TEAD1: variants seen among roughly 807,000 people sequenced by gnomAD.
TEAD1 encodes TEA domain transcription factor 1.
TEAD1 carries 9 observed loss-of-function variants against 54.9 expected under a neutral mutation model. The ratio of observed to expected loss-of-function variants is 0.16; its 90% CI spans 0.10 to 0.29. TEAD1 has a LOEUF of 0.29. TEAD1 is among the 10% of genes least tolerant of loss of function. TEAD1 has a pLI of 1.00. For missense variants in TEAD1, 387 were observed against 535.9 expected (o/e 0.72, Z 2.74); for synonymous variants, 200 against 187.8 (o/e 1.07, Z -0.53).
chr11:12,769,640 A>T (rs1945276316), intron 3 of TEAD1, among the ~76,000 whole-genome samples: 1 of 152,032 alleles, frequency 6.6e-6, no homozygotes, highest in Non-Finnish European at 1.5e-5. Flanking sequence ...CCAGCCCTGG[A>T]GGGTCTCCAG....
intron 2 of TEAD1, among the ~76,000 whole-genome samples, chr11:12,721,628 C>G (rs1044492533): frequency 1.3e-5 from 2 of 152,176 alleles, no homozygotes; most frequent in Non-Finnish European, 2.9e-5. Flanking sequence ...ACATTATGTT[C>G]CCAGCATTAT....
Position 12,873,845 on chromosome 11 carries a change from C to T in TEAD1, c.331-5863C>T, listed in dbSNP as rs151281970. ...CATAGTGCAAGATTAGAAAGAACAT[C>T]TGCAAGATTACTTCTTAGGAAAGTA... On this transcript the variant is annotated intron_variant, in intron 5 of 12. Coordinates refer to ENST00000527636, the MANE Select transcript of TEAD1 (RefSeq NM_021961.6). Among the ~76,000 whole-genome samples the T allele has an allele frequency of 7.4e-3, 1,123 of 152,342 alleles. 8 individuals carry two copies. The highest frequency in any genetic ancestry group is 0.014 in the Middle Eastern group (4 of 294).
chr11:12,901,902 G>GTCCC lies in TEAD1; in HGVS notation c.700-38_700-37insTCCC, dbSNP rs779611263. ...ATGGATGAGTTCCAGGTTGATCAAA[G>GTCCC]AGTTTGTAATGGGAATGTTTCTGTT... On this transcript the variant is annotated intron_variant, in intron 9 of 12. Coordinates refer to ENST00000527636, the MANE Select transcript of TEAD1 (RefSeq NM_021961.6). The GTCCC allele has an allele frequency of 2.2e-5, 36 of 1,613,814 alleles. No homozygotes were observed. In the East Asian group the frequency reaches 7.6e-4, roughly 34 times the overall value.
chr11:12,824,546 G>T (rs1946612870), intron 3 of TEAD1, among the ~76,000 whole-genome samples: 1 of 152,212 alleles, frequency 6.6e-6, no homozygotes, highest in Admixed American at 6.5e-5. Flanking sequence ...TTCCATCCGG[G>T]AACCAAGTTT....
chr11:12,846,189 C>T (rs745601666), intron 3 of TEAD1, among the ~76,000 whole-genome samples: 47 of 152,196 alleles, frequency 3.1e-4, no homozygotes, highest in Non-Finnish European at 5.9e-4. Context: ...ACATGACCTG[C>T]TGCAGGAAGA....
chr11:12,821,704 C>T (rs1590184488), intron 3 of TEAD1, among the ~76,000 whole-genome samples: 1 of 152,036 alleles, frequency 6.6e-6, no homozygotes, highest in South Asian at 2.1e-4. Flanking sequence ...TGCCCAGATC[C>T]AATTTCATGT....
intron 3 of TEAD1, among the ~76,000 whole-genome samples, chr11:12,781,233 G>A (rs1945534964): frequency 1.3e-5 from 2 of 152,116 alleles, no homozygotes; most frequent in African/African-American, 2.4e-5. Flanking sequence ...AACTCCAGAA[G>A]GAAATACAGG....
intron 4 of TEAD1, chr11:12,864,615 C>CT: frequency 1.1e-6 from 1 of 911,152 alleles, no homozygotes; most frequent in East Asian, 3.4e-5. Flanking sequence ...ATTTGATTTC[C>CT]TTTTTTGTTT....
In TEAD1 at chr11:12,939,576, G is replaced by A. The variant is rs1003204909; in HGVS notation, c.*2354G>A. On this transcript the variant is annotated 3_prime_UTR_variant, in exon 13 of 13. Coordinates refer to ENST00000527636, the MANE Select transcript of TEAD1 (RefSeq NM_021961.6). ...AGGACAACTCTGTTGGCACAGAGAC[G>A]GGGACAGCCCAGTCTGCTGACCTCA... 6 of 152,222 alleles carry A rather than the reference G, an allele frequency of 3.9e-5. No individual in the cohort carries two copies. The highest frequency in any genetic ancestry group is 4.1e-4 in the South Asian group (2 of 4,834). The allele number at this position is 152,222 out of a possible 1,614,324, so 9.4% of individuals were successfully genotyped here. A position where few individuals can be genotyped will look rare whatever the true frequency, so the allele number is the denominator to read the frequency against.
At chr11:12,734,807 T>G (rs1944494392) in intron 2 of TEAD1, among the ~76,000 whole-genome samples, 1 of 152,232 alleles carries the variant, frequency 6.6e-6, no homozygotes, top group African/African-American at 2.4e-5. Flanking sequence ...AACTGTGCTC[T>G]GTGATGTTGA....
chr11:12,879,351 G>A (rs1330983159), intron 5 of TEAD1: 1 of 534,594 alleles, frequency 1.9e-6, no homozygotes, highest in Admixed American at 3.2e-5. Context: ...TAAAAGCAGG[G>A]CCTTTATTTT....
At chr11:12,882,902 A>G (rs1948000637) in intron 8 of TEAD1, 99 bp from the exon 9 acceptor site, 1 of 1,593,292 alleles carries the variant, frequency 6.3e-7, no homozygotes, top group Admixed American at 1.7e-5. Flanking sequence ...GGCTGTTGGC[A>G]TTTCCTTCTG....
At chr11:12,885,837 T>G (rs1007506264) in intron 9 of TEAD1, among the ~76,000 whole-genome samples, 2 of 152,238 alleles carry the variant, frequency 1.3e-5, no homozygotes, top group Non-Finnish European at 2.9e-5. Context: ...TTTTGAATCA[T>G]TCAGACCATT....
At position 12,938,588 on chromosome 11, in the gene TEAD1, G is replaced by GT. The variant is rs1418300574; in HGVS notation, c.*1367dup. 3 of 152,242 alleles carry GT rather than the reference G, an allele frequency of 2.0e-5. No homozygotes were observed. Among genetic ancestry groups the GT allele is most frequent in the African/African-American group, 7.2e-5 (3 of 41,454 alleles). 9.4% of individuals were successfully genotyped at this position (152,242 alleles called of 1,614,324 possible). On this transcript the variant is annotated 3_prime_UTR_variant, in exon 13 of 13. Transcript: ENST00000527636. ...ACATCCATTTCTTTAGCGTCTCTCAGTAAGTTACAGTACTTGTTTGACTTA... is the reference window on the plus strand; with the variant it reads ...ACATCCATTTCTTTAGCGTCTCTCAGTTAAGTTACAGTACTTGTTTGACTTA...
At chr11:12,870,020 C>T (rs576093111) in intron 5 of TEAD1, among the ~76,000 whole-genome samples, 11 of 152,286 alleles carry the variant, frequency 7.2e-5, no homozygotes, top group African/African-American at 2.4e-4. Flanking sequence ...GCTGGGATTA[C>T]AGGCGCTCAT....
At chr11:12,698,220 G>A (rs1943627897) in intron 2 of TEAD1, among the ~76,000 whole-genome samples, 1 of 152,158 alleles carries the variant, frequency 6.6e-6, no homozygotes, top group Non-Finnish European at 1.5e-5. Flanking sequence ...GCGGGGACCG[G>A]GAGGTGAGGA....
At chr11:12,790,440 C>T (rs1368950169) in intron 3 of TEAD1, among the ~76,000 whole-genome samples, 1 of 152,196 alleles carries the variant, frequency 6.6e-6, no homozygotes, top group African/African-American at 2.4e-5. Flanking sequence ...AGTAGGTACT[C>T]AGTAAATGAT....
intron 12 of TEAD1, among the ~76,000 whole-genome samples, chr11:12,934,487 C>T (rs914980514): frequency 6.6e-6 from 1 of 151,408 alleles, no homozygotes; most frequent in African/African-American, 2.4e-5. Context: ...CACATGTATA[C>T]ATATGTAACA....
At chr11:12,719,581 AGGGGG>A (rs969619265) in intron 2 of TEAD1, among the ~76,000 whole-genome samples, 8 of 40,522 alleles carry the variant, frequency 2.0e-4, no homozygotes, top group African/African-American at 6.5e-4. Context: ...TTTTGGGGGG[AGGGGG>A]GGCGGGGGGC....
Sources: allele counts gnomAD v4.1 joint callset (sites outside exome capture counted in the v4.1 genomes callset), GRCh38; gene constraint gnomAD v4.1.1; transcripts MANE v1.5; gene names NCBI Gene and HGNC (gene_info 2026-07-23, HGNC 2026-07-21).